Variants in PTPRD observed in about 807,000 individuals in gnomAD.
PTPRD encodes the protein receptor-type tyrosine-protein phosphatase delta.
In PTPRD, 34 loss-of-function variants were observed where a neutral mutation model predicts 214.5. That is an observed-to-expected ratio of 0.16 (90% CI 0.12 to 0.21). The LOEUF is 0.21. Among genes scored for constraint, PTPRD ranks in the 10% least tolerant of loss-of-function variants. PTPRD has a pLI of 1.00. For synonymous variants in PTPRD, 1,128 were observed against 845.7 expected (o/e 1.33, Z -5.79); for missense variants, 2,545 against 2,398.7 (o/e 1.06, Z -1.27).
intron 10 of PTPRD, among the ~76,000 whole-genome samples, chr9:9,033,672 T>C (rs2099612814): frequency 6.6e-6 from 1 of 152,088 alleles, no homozygotes; most frequent in Non-Finnish European, 1.5e-5. Flanking sequence ...TCTACTGCTC[T>C]CCCCTCCCCT....
chr9:10,547,884 G>A (rs1185729221), intron 2 of PTPRD, among the ~76,000 whole-genome samples: 1 of 152,046 alleles, frequency 6.6e-6, no homozygotes, highest in Non-Finnish European at 1.5e-5. Flanking sequence ...ATTTGGTTGG[G>A]ATCGTGTTTT....
At chr9:9,776,562 T>C (rs1467794569) in intron 5 of PTPRD, among the ~76,000 whole-genome samples, 1 of 152,310 alleles carries the variant, frequency 6.6e-6, no homozygotes, top group East Asian at 1.9e-4. Context: ...TGATTCATAG[T>C]GTAATTTATT....
intron 5 of PTPRD, among the ~76,000 whole-genome samples, chr9:9,881,939 C>T (rs1171148701): frequency 2.0e-5 from 3 of 152,080 alleles, no homozygotes; most frequent in Non-Finnish European, 2.9e-5. Flanking sequence ...TCAAGTCACC[C>T]AGGCAACACC....
intron 11 of PTPRD, among the ~76,000 whole-genome samples, chr9:8,978,158 T>C (rs1037100185): frequency 1.3e-5 from 2 of 151,942 alleles, no homozygotes; most frequent in African/African-American, 4.8e-5. Flanking sequence ...TTAACGTAAA[T>C]TTTGGGGAAG....
At chr9:10,002,184 C>A (rs2096337393) in intron 4 of PTPRD, among the ~76,000 whole-genome samples, 1 of 150,172 alleles carries the variant, frequency 6.7e-6, no homozygotes, top group Non-Finnish European at 1.5e-5. Flanking sequence ...GAATAAATAA[C>A]ATAGGAACCA....
chr9:8,517,663 A>G (rs2097805498), intron 21 of PTPRD, among the ~76,000 whole-genome samples, 185 bp downstream of exon 21: 1 of 152,240 alleles, frequency 6.6e-6, no homozygotes, highest in Non-Finnish European at 1.5e-5. Context: ...GTTCTGCTCA[A>G]AATGATTAGT....
At chr9:10,004,699 AAT>A (rs1164315048) in intron 4 of PTPRD, among the ~76,000 whole-genome samples, 1 of 152,060 alleles carries the variant, frequency 6.6e-6, no homozygotes, top group Non-Finnish European at 1.5e-5. Context: ...TAAAATACCA[AAT>A]AGTGTCATAA....
chr9:9,054,610 C>T lies in PTPRD; in HGVS notation c.-142-35875G>A, dbSNP rs539140413. ...GGTCAATTCTGAGATTCTCTTATGC[C>T]CTGTTACTCAAAAATCTCCATGAAA... On this transcript the variant is annotated intron_variant, in intron 10 of 45. Coordinates refer to ENST00000381196, the MANE Select transcript of PTPRD (RefSeq NM_002839.4). Among the ~76,000 whole-genome samples the T allele has an allele frequency of 3.9e-5, 6 of 152,210 alleles. No homozygotes were observed. The East Asian group carries it at 1.2e-3, about 29-fold the overall frequency.
At chr9:9,145,922 A>G (rs1485593047) in intron 10 of PTPRD, among the ~76,000 whole-genome samples, 1 of 152,224 alleles carries the variant, frequency 6.6e-6, no homozygotes, top group Non-Finnish European at 1.5e-5. Context: ...TCATCAACCA[A>G]TGCAGCCCAA....
At chr9:8,780,802 G>T in intron 11 of PTPRD, among the ~76,000 whole-genome samples, 1 of 152,214 alleles carries the variant, frequency 6.6e-6, no homozygotes, top group East Asian at 1.9e-4. Flanking sequence ...GTTTATAGAT[G>T]CCAGAAAAGG....
chr9:8,528,559 AG>A, intron 15 of PTPRD, 31 bp downstream of exon 15: 1 of 1,578,966 alleles, frequency 6.3e-7, no homozygotes, highest in South Asian at 1.2e-5. Context: ...AAAATTCTCT[AG>A]GAGTTAGTAG....
At chr9:10,348,933 T>G (rs12345788) in intron 2 of PTPRD, among the ~76,000 whole-genome samples, 35,493 of 151,930 alleles carry the variant, frequency 0.23, 4,252 homozygotes, top group South Asian at 0.28. Context: ...ACCTTCAAGC[T>G]TATCTGTCAA....
intron 7 of PTPRD, among the ~76,000 whole-genome samples, chr9:9,595,119 C>T (rs1015979995): frequency 1.3e-5 from 2 of 151,510 alleles, no homozygotes; most frequent in Non-Finnish European, 2.9e-5. Flanking sequence ...GAACAGGGAA[C>T]GCTTCTACGC....
At chr9:9,155,541 CA>C (rs1417371290) in intron 10 of PTPRD, among the ~76,000 whole-genome samples, 1 of 152,112 alleles carries the variant, frequency 6.6e-6, no homozygotes, top group African/African-American at 2.4e-5. Flanking sequence ...GAGTCATAAT[CA>C]ACATTGCTTA....
At chr9:10,562,903 C>A (rs1322311) in intron 2 of PTPRD, among the ~76,000 whole-genome samples, 49,348 of 151,332 alleles carry the variant, frequency 0.33, 8,250 homozygotes, top group Non-Finnish European at 0.36. Context: ...AAGCAAAAGC[C>A]ATATATAGAT....
chr9:9,699,917 G>GT (rs1261718015), intron 7 of PTPRD, among the ~76,000 whole-genome samples: 1 of 152,148 alleles, frequency 6.6e-6, no homozygotes, highest in East Asian at 1.9e-4. Context: ...AGATAACCCT[G>GT]TACAGCAGGA....
chr9:9,923,285 A>AG (rs2083189562), intron 5 of PTPRD, among the ~76,000 whole-genome samples: 1 of 151,626 alleles, frequency 6.6e-6, no homozygotes, highest in African/African-American at 2.4e-5. Flanking sequence ...AATGAATAGA[A>AG]GAGTGGAAGA....
At chr9:8,910,671 T>TATC in intron 11 of PTPRD, among the ~76,000 whole-genome samples, 2 of 152,314 alleles carry the variant, frequency 1.3e-5, no homozygotes, top group Middle Eastern at 6.8e-3. Context: ...TTTCATTTCT[T>TATC]ATCAATTACT....
At chr9:8,350,093 A>C (rs2075021644) in intron 39 of PTPRD, among the ~76,000 whole-genome samples, 1 of 152,144 alleles carries the variant, frequency 6.6e-6, no homozygotes, top group Admixed American at 6.6e-5. Flanking sequence ...ATTTCTAAAA[A>C]CATGATTGAG....
Sources: allele counts gnomAD v4.1 joint callset (sites outside exome capture counted in the v4.1 genomes callset), GRCh38; gene constraint gnomAD v4.1.1; transcripts MANE v1.5; gene names NCBI Gene and HGNC (gene_info 2026-07-23, HGNC 2026-07-21).